The following GAD1 variants were observed in gnomAD, a reference collection of about 807,000 sequenced individuals.
The protein encoded by GAD1 is 67 kDa glutamic acid decarboxylase.
A neutral mutation model predicts 75.2 loss-of-function variants in GAD1; 35 were observed. That is an observed-to-expected ratio of 0.47 (90% CI 0.36 to 0.62). GAD1 has a LOEUF of 0.62. Ranked by LOEUF, GAD1 falls within the 20% of genes least tolerant of loss-of-function variation. The pLI is 0.00. For missense variants in GAD1, 490 were observed against 758.5 expected (o/e 0.65, Z 4.16); for synonymous variants, 257 against 271.9 (o/e 0.95, Z 0.54).
Position 170,847,737 on chromosome 2 carries a change from C to T in GAD1, c.1064C>T (p.Pro355Leu). 6.8e-6 allele frequency: 11 copies of T among 1,614,082 alleles called. No individual in the cohort carries two copies. Among genetic ancestry groups the T allele is most frequent in the Non-Finnish European group, 9.3e-6 (11 of 1,179,960 alleles). The change falls in exon 11 of 17, where the codon CCG becomes CTG. Residue 355 changes from proline to leucine, a missense_variant. Pro to Leu is a moderately conservative substitution (Grantham distance 98). Transcript: ENST00000358196. ...ACGACTGTTTATGGAGCTTTTGATCCGATACAAGAGATTGCAGATATATGT... is the reference window on the plus strand; with the variant it reads ...ACGACTGTTTATGGAGCTTTTGATCTGATACAAGAGATTGCAGATATATGT... Reference protein sequence around the residue: ...AGTTVYGAFDPIQEIADICEK... With the variant: ...AGTTVYGAFDLIQEIADICEK...
intron 5 of GAD1, 121 bp downstream of exon 5, chr2:170,831,313 C>A: frequency 8.8e-7 from 1 of 1,137,982 alleles, no homozygotes; most frequent in Non-Finnish European, 1.3e-6. Context: ...GATAAGGCGG[C>A]AAAGTACCCA....
At chr2:170,821,860 A>C in intron 2 of GAD1, 1 of 557,644 alleles carries the variant, frequency 1.8e-6, no homozygotes, top group Non-Finnish European at 3.2e-6. Flanking sequence ...CCTCTCAGAG[A>C]CACCGTTCCA....
intron 14 of GAD1, among the ~76,000 whole-genome samples, chr2:170,854,528 G>A (rs1702810842): frequency 6.6e-6 from 1 of 151,522 alleles, no homozygotes; most frequent in South Asian, 2.1e-4. Flanking sequence ...AGCCTCCAGA[G>A]TAGCTGGGAC....
chr2:170,845,681 A>C, intron 8 of GAD1, 25 bp from the exon 9 acceptor site: 1 of 1,613,770 alleles, frequency 6.2e-7, no homozygotes, highest in East Asian at 2.2e-5. Flanking sequence ...TCCAACTTCT[A>C]ACCTCGAGCC....
chr2:170,858,989 T>C (rs1201493469), intron 16 of GAD1, 96 bp downstream of exon 16: 1 of 1,106,412 alleles, frequency 9.0e-7, no homozygotes, highest in Non-Finnish European at 1.4e-6. Context: ...GGGGGAAATA[T>C]AAAAAATAAA....
intron 6 of GAD1, among the ~76,000 whole-genome samples, chr2:170,837,983 G>A (rs1411188111): frequency 6.6e-6 from 1 of 152,136 alleles, no homozygotes; most frequent in African/African-American, 2.4e-5. Context: ...ATTATATAGT[G>A]ACCCATATGT....
At chr2:170,833,314 AT>A (rs1377184739) in intron 5 of GAD1, among the ~76,000 whole-genome samples, 4 of 152,252 alleles carry the variant, frequency 2.6e-5, no homozygotes, top group African/African-American at 9.6e-5. Flanking sequence ...CACCACTGGA[AT>A]AAGTGCAGCT....
chr2:170,853,447 G>A lies in GAD1; in HGVS notation c.1264-426G>A. ...ACTCATATGTGGAATCCATGTTAAT[G>A]TCATAGGAGGTCCTGGAAAGGTTGG... is the stretch of plus-strand genomic sequence containing the variant. On this transcript the variant is annotated intron_variant, in intron 13 of 16. Coordinates refer to ENST00000358196, the MANE Select transcript of GAD1 (RefSeq NM_000817.3). This position sits in a 1 kb window ranked among gnomAD's most constrained non-coding sequence, Gnocchi z 4.1. 1 of 248,524 alleles carries A rather than the reference G, an allele frequency of 4.0e-6. No individual in the cohort carries two copies. 15.4% of individuals were successfully genotyped at this position (248,524 alleles called of 1,614,324 possible).
At chr2:170,845,807 T>C (rs1052237925) in intron 9 of GAD1, 22 bp downstream of exon 9, 2 of 1,607,402 alleles carry the variant, frequency 1.2e-6, no homozygotes, top group African/African-American at 2.7e-5. Context: ...AGGGTGAATA[T>C]TAGGTTCTTG....
intron 6 of GAD1, among the ~76,000 whole-genome samples, chr2:170,840,410 G>C (rs1489795024): frequency 1.3e-5 from 2 of 152,218 alleles, no homozygotes; most frequent in Non-Finnish European, 2.9e-5. Context: ...GTCAAGAGGA[G>C]TATCAGGATA....
rs764089243 is a variant in GAD1 at position 170,818,548 on chromosome 2, A to C, written c.-44A>C. On this transcript the variant is annotated 5_prime_UTR_variant, in exon 2 of 17. Transcript: ENST00000358196. The surrounding 1 kb of genome is among the most constrained non-coding windows in gnomAD (Gnocchi z 5.9). ...TTGCAGCCTGTTTCTGCGCCGGACC[A>C]GTCGAGGACTCTGGACAGTAGAGGC... 1.3e-6 allele frequency: 2 copies of C among 1,555,366 alleles called. No individual in the cohort carries two copies. The highest frequency in any genetic ancestry group is 1.7e-4 in the Middle Eastern group (1 of 5,920).
chr2:170,829,565 G>T lies in GAD1; in HGVS notation c.236G>T (p.Cys79Phe). 1.2e-6 allele frequency: 2 copies of T among 1,612,664 alleles called. No homozygotes were observed. Among genetic ancestry groups the T allele is most frequent in the Non-Finnish European group, 1.7e-6 (2 of 1,179,460 alleles). Residue 79 changes from cysteine (C) to phenylalanine (F), a missense_variant, in exon 4 of 17, where the codon TGT becomes TTT. Cys to Phe is a radical substitution (Grantham distance 205, BLOSUM62 -2). Around this residue, in one of 3 missense-constraint regions of GAD1, gnomAD observed 165 missense variants for 216.4 expected, o/e 0.76. Transcript: ENST00000358196. Reference protein sequence around the residue: ...ERQSSKNLLSCENSDRDARFR... With the variant: ...ERQSSKNLLSFENSDRDARFR... Reference sequence around the variant, plus strand: ...CAATCCTCCAAGAACCTGCTTTCCTGTGAAAACAGCGACCGGGATGCCCGC... The same window carrying T: ...CAATCCTCCAAGAACCTGCTTTCCTTTGAAAACAGCGACCGGGATGCCCGC...
At chr2:170,826,235 C>T (rs1035532846) in intron 3 of GAD1, among the ~76,000 whole-genome samples, 9 of 152,032 alleles carry the variant, frequency 5.9e-5, no homozygotes, top group African/African-American at 1.9e-4. Context: ...TAGTACATTA[C>T]TGGAAGTGCA....
At position 170,830,944 on chromosome 2, in the gene GAD1, A is replaced by T; in HGVS notation, c.305-6A>T. The T allele has an allele frequency of 6.2e-7, 1 of 1,614,162 alleles. No homozygotes were observed. Among genetic ancestry groups the T allele is most frequent in the Non-Finnish European group, 8.5e-7 (1 of 1,180,036 alleles). ...TGAAAACCATTCATTGCTCTCCCCAATTCAGATCTGCTTCCGGCTAAGAAC... is the reference window on the plus strand; with the variant it reads ...TGAAAACCATTCATTGCTCTCCCCATTTCAGATCTGCTTCCGGCTAAGAAC... On this transcript the variant is annotated splice_polypyrimidine_tract_variant and splice_region_variant and intron_variant, in intron 4 of 16. Coordinates refer to ENST00000358196, the MANE Select transcript of GAD1 (RefSeq NM_000817.3).
At chr2:170,847,838 A>G (rs1018196571) in intron 11 of GAD1, 46 bp downstream of exon 11, 14 of 1,302,676 alleles carry the variant, frequency 1.1e-5, no homozygotes, top group Admixed American at 8.4e-5. Flanking sequence ...GGGTGGAGGC[A>G]CCTCTTTTTT....
Position 170,849,267 on chromosome 2 carries a change from C to G in GAD1, c.1120-19C>G, listed in dbSNP as rs1360025715. Reference sequence around the variant, plus strand: ...AATGTCACTGCTCCCCTCTTCCTCTCCTTTCTCTGTCCCCACAGGCTGCCT... The same window carrying G: ...AATGTCACTGCTCCCCTCTTCCTCTGCTTTCTCTGTCCCCACAGGCTGCCT... On this transcript the variant is annotated intron_variant, in intron 11 of 16. Transcript: ENST00000358196. 6.2e-7 allele frequency: 1 copy of G among 1,613,052 alleles called. No individual in the cohort carries two copies. The highest frequency in any genetic ancestry group is 1.7e-4 in the Middle Eastern group (1 of 6,060).
At chr2:170,830,837 C>A in intron 4 of GAD1, 113 bp from the exon 5 acceptor site, 3 of 1,350,052 alleles carry the variant, frequency 2.2e-6, no homozygotes, top group Non-Finnish European at 3.1e-6. Flanking sequence ...ACATACATAT[C>A]CCAGAATGAA....
intron 15 of GAD1, 24 bp from the exon 16 acceptor site, chr2:170,858,776 CTTTG>C (rs748756320): frequency 9.3e-6 from 15 of 1,606,454 alleles, no homozygotes; most frequent in Admixed American, 3.3e-5. Flanking sequence ...TCCTAATTTT[CTTTG>C]TTTGTCTTTT....
intron 5 of GAD1, among the ~76,000 whole-genome samples, chr2:170,832,687 C>A (rs936678120): frequency 1.3e-5 from 2 of 151,866 alleles, no homozygotes; most frequent in Non-Finnish European, 2.9e-5. Context: ...CACACACACA[C>A]ACACACACAT....
Sources: gnomAD v4.1 joint callset for allele counts (sites outside exome capture counted in the v4.1 genomes callset) on GRCh38, gnomAD v4.1.1 for gene constraint, gnomAD v4.1.1 regional missense constraint, Gnocchi (gnomAD v3.1) non-coding constraint, MANE v1.5 for transcripts, NCBI Gene and HGNC (gene_info 2026-07-23, HGNC 2026-07-21) for gene names.